STRBP: variants seen among roughly 807,000 people sequenced by gnomAD.
STRBP encodes the protein spermatid perinuclear RNA binding protein.
Under a neutral mutation model 80.1 loss-of-function variants are expected in STRBP, and 13 were observed. That is an observed-to-expected ratio of 0.16 (90% confidence interval 0.11 to 0.26). The LOEUF is 0.26. STRBP is among the 10% of genes least tolerant of loss of function. The probability of loss-of-function intolerance (pLI) is 1.00; values close to 1 mark genes in which losing one functional copy is unlikely to be tolerated. For synonymous variants in STRBP, 284 were observed against 291.2 expected (o/e 0.98, Z 0.25); for missense variants, 485 against 815.2 (o/e 0.59, Z 4.93).
intron 2 of STRBP, among the ~76,000 whole-genome samples, chr9:123,224,362 AACTAAACAGGGCT>A (rs1588127067): frequency 6.6e-6 from 1 of 152,180 alleles, no homozygotes; most frequent in African/African-American, 2.4e-5. Context: ...GCAGTTCAGG[AACTAAACAGGGCT>A]ACCTATTACC....
intron 2 of STRBP, among the ~76,000 whole-genome samples, chr9:123,221,575 T>C (rs925882242): frequency 3.3e-5 from 5 of 152,246 alleles, no homozygotes; most frequent in Non-Finnish European, 7.3e-5. Context: ...TTTGCTACAT[T>C]TGCTGTATCT....
chr9:123,263,209 A>T (rs2041194066), intron 1 of STRBP, among the ~76,000 whole-genome samples: 1 of 152,180 alleles, frequency 6.6e-6, no homozygotes, highest in African/African-American at 2.4e-5. Context: ...ATCACGTAGC[A>T]AAGAAAGATC....
chr9:123,174,665 C>G (rs908972716), intron 4 of STRBP, among the ~76,000 whole-genome samples: 4 of 152,144 alleles, frequency 2.6e-5, no homozygotes, highest in African/African-American at 9.7e-5. Flanking sequence ...CTTTCTATAT[C>G]AGCTTATGGG....
chr9:123,171,330 A>T (rs1446027675), intron 5 of STRBP, among the ~76,000 whole-genome samples: 1 of 152,170 alleles, frequency 6.6e-6, no homozygotes, highest in African/African-American at 2.4e-5. Flanking sequence ...TGAAGAGAAA[A>T]GGTAAGGTAA....
intron 1 of STRBP, among the ~76,000 whole-genome samples, chr9:123,261,303 T>A (rs1027017440): frequency 9.2e-5 from 14 of 152,188 alleles, no homozygotes; most frequent in Non-Finnish European, 2.1e-4. Flanking sequence ...AAGAGGCAGA[T>A]TTCAAATTTG....
chr9:123,153,796 T>G (rs545081340), intron 11 of STRBP, among the ~76,000 whole-genome samples: 1 of 152,250 alleles, frequency 6.6e-6, no homozygotes, highest in Non-Finnish European at 1.5e-5. Flanking sequence ...GGGACAATCT[T>G]CAGTATAAAA....
chr9:123,165,276 T>A (rs1009366716), intron 6 of STRBP, among the ~76,000 whole-genome samples: 1 of 118,682 alleles, frequency 8.4e-6, no homozygotes, highest in African/African-American at 3.5e-5. Flanking sequence ...CGAGACTCCA[T>A]CTCAAAAAAA....
At chr9:123,137,182 T>G (rs140629756) in intron 14 of STRBP, among the ~76,000 whole-genome samples, 1 of 152,012 alleles carries the variant, frequency 6.6e-6, no homozygotes, top group African/African-American at 2.4e-5. Context: ...AGAATAGAAG[T>G]AGTGAAATAA....
intron 2 of STRBP, among the ~76,000 whole-genome samples, chr9:123,197,407 T>A (rs1306284345): frequency 6.6e-6 from 1 of 152,172 alleles, no homozygotes; most frequent in Admixed American, 6.6e-5. Flanking sequence ...GGACGAAATA[T>A]AAAATGGTAA....
At chr9:123,265,922 T>G (rs1442281199) in intron 1 of STRBP, among the ~76,000 whole-genome samples, 1 of 152,192 alleles carries the variant, frequency 6.6e-6, no homozygotes, top group Non-Finnish European at 1.5e-5. Flanking sequence ...TTCTGCCACT[T>G]TTAGGAGCTA....
rs921657132 is a variant in STRBP, at chr9:123,268,581, C to T, written c.-447G>A. The T allele has an allele frequency of 6.0e-6, 1 of 166,104 alleles. No individual in the cohort carries two copies. Among genetic ancestry groups the T allele is most frequent in the Non-Finnish European group, 1.3e-5 (1 of 77,674 alleles). The allele number at this position is 166,104 out of a possible 1,614,324, so 10.3% of individuals were successfully genotyped here. A position where few individuals can be genotyped will look rare whatever the true frequency, so the allele number is the denominator to read the frequency against. On this transcript the variant is annotated 5_prime_UTR_variant, in exon 1 of 19. Transcript: ENST00000348403. ...TGGTGGCGCTCGCGGCTCCGGTCTC[C>T]GCTTCGGCGGCGGCAGCGGCGGCAG...
At chr9:123,150,096 G>C (rs1309967603) in intron 11 of STRBP, among the ~76,000 whole-genome samples, 1 of 152,188 alleles carries the variant, frequency 6.6e-6, no homozygotes, top group African/African-American at 2.4e-5. Context: ...GCCATTTGGA[G>C]AAAGAGTCCC....
At chr9:123,223,990 T>C (rs2040157203) in intron 2 of STRBP, among the ~76,000 whole-genome samples, 1 of 152,164 alleles carries the variant, frequency 6.6e-6, no homozygotes. Context: ...AGAGATGCTA[T>C]AGTTAGAAAA....
chr9:123,135,928 C>A, intron 16 of STRBP, 113 bp downstream of exon 16: 1 of 1,411,892 alleles, frequency 7.1e-7, no homozygotes, highest in Non-Finnish European at 9.6e-7. Flanking sequence ...TCACCAAGTC[C>A]AAGAAAAGGA....
rs77072814 is a variant in STRBP at position 123,185,022 on chromosome 9, T to C, written c.-164-724A>G. 8.0e-3 allele frequency among the ~76,000 whole-genome samples: 1,214 copies of C among 151,972 alleles called. 20 individuals are homozygous for C. Among genetic ancestry groups the C allele is most frequent in the African/African-American group, 0.028 (1,165 of 41,462 alleles). ...CCTTTATGAGATTTTATTCCAGACA[T>C]AGTAAAAGTAAACTTTTCTGAGCAC... is the stretch of plus-strand genomic sequence containing the variant. On this transcript the variant is annotated intron_variant, in intron 2 of 18. Transcript: ENST00000348403.
chr9:123,196,619 C>T (rs2039099171), intron 2 of STRBP, among the ~76,000 whole-genome samples: 1 of 152,098 alleles, frequency 6.6e-6, no homozygotes, highest in Admixed American at 6.5e-5. Context: ...TAATGGCAAA[C>T]AGGTGTATGA....
intron 6 of STRBP, among the ~76,000 whole-genome samples, chr9:123,169,571 A>G (rs982878192): frequency 3.9e-5 from 6 of 152,212 alleles, no homozygotes; most frequent in African/African-American, 1.4e-4. Context: ...AATACATAGA[A>G]TAAGTTGGCT....
intron 2 of STRBP, among the ~76,000 whole-genome samples, chr9:123,231,138 C>T (rs976830223): frequency 6.6e-6 from 1 of 152,020 alleles, no homozygotes; most frequent in Non-Finnish European, 1.5e-5. Flanking sequence ...GGGGTGGGAT[C>T]CAGGTTATCA....
chr9:123,168,464 T>A (rs535657341), intron 6 of STRBP, among the ~76,000 whole-genome samples: 6 of 152,318 alleles, frequency 3.9e-5, no homozygotes, highest in Admixed American at 2.0e-4. Context: ...AGCATTTTTT[T>A]AAAAAGAGTC....
Sources: gnomAD v4.1 joint callset for allele counts (sites outside exome capture counted in the v4.1 genomes callset) on GRCh38, gnomAD v4.1.1 for gene constraint, MANE v1.5 for transcripts, NCBI Gene and HGNC (gene_info 2026-07-23, HGNC 2026-07-21) for gene names.